BRCA1: variants seen among roughly 807,000 people sequenced by gnomAD.
BRCA1 encodes breast cancer type 1 susceptibility protein.
In BRCA1, 140 loss-of-function variants were observed where a neutral mutation model predicts 173.7. The ratio of observed to expected loss-of-function variants is 0.81; its 90% confidence interval spans 0.70 to 0.93. The LOEUF (loss-of-function observed/expected upper bound fraction) is 0.93. Ranked by LOEUF, BRCA1 falls within the 40% of genes least tolerant of loss-of-function variation. The probability of loss-of-function intolerance (pLI) is 0.00; values close to 1 mark genes in which losing one functional copy is unlikely to be tolerated. For missense variants in BRCA1, 1,983 were observed against 2,172.5 expected (o/e 0.91, Z 1.73); for synonymous variants, 662 against 756.0 (o/e 0.88, Z 2.04).
At chr17:43,157,656 A>C (rs1165423435) in intron 1 of BRCA1, among the ~76,000 whole-genome samples, 1 of 151,724 alleles carries the variant, frequency 6.6e-6, no homozygotes, top group African/African-American at 2.4e-5. Flanking sequence ...AGACGGCACC[A>C]CTGTACTCCA....
chr17:43,142,994 A>G (rs139198647), intron 1 of BRCA1, among the ~76,000 whole-genome samples: 2,215 of 149,490 alleles, frequency 0.015, 50 homozygotes, highest in African/African-American at 0.051. Flanking sequence ...ATATATATGT[A>G]TATATGTATA....
Position 43,093,563 on chromosome 17 carries a change from G to A in BRCA1, c.1968C>T (p.Asn656=), listed in dbSNP as rs1131692075. Residue 656 remains asparagine, a synonymous_variant, in exon 10 of 23, where the codon AAC becomes AAT. Transcript: ENST00000357654. ...TTCTGCTGTGCCTGACTGGCATTTG[G>A]TTGTACTTTTTTTTCTTTATCTCTT... ...SSEEIKKKKY[N]QMPVRHSRNL... 6.2e-7 allele frequency: 1 copy of A among 1,613,890 alleles called. No homozygotes were observed. The highest frequency in any genetic ancestry group is 8.5e-7 in the Non-Finnish European group (1 of 1,179,986).
At chr17:43,144,920 A>C (rs1322410481) in intron 1 of BRCA1, 5 of 572,268 alleles carry the variant, frequency 8.7e-6, no homozygotes, top group Non-Finnish European at 1.7e-5. Flanking sequence ...CACCGCGGCC[A>C]GCAGGCACCT....
At chr17:43,064,398 T>C (rs182008731) in intron 16 of BRCA1, among the ~76,000 whole-genome samples, 1 of 152,354 alleles carries the variant, frequency 6.6e-6, no homozygotes. Context: ...TGACAAATTT[T>C]CACCCCTAGA....
intron 1 of BRCA1, among the ~76,000 whole-genome samples, chr17:43,145,587 A>G (rs1365064501): frequency 6.6e-6 from 1 of 152,114 alleles, no homozygotes; most frequent in African/African-American, 2.4e-5. Flanking sequence ...CGGCCTCCCA[A>G]AGTGCTGGGA....
chr17:43,116,872 T>C (rs958371914), intron 2 of BRCA1, among the ~76,000 whole-genome samples: 2 of 152,238 alleles, frequency 1.3e-5, no homozygotes, highest in Admixed American at 1.3e-4. Flanking sequence ...TTGTCATTTA[T>C]TTTTAAAATT....
In BRCA1 at chr17:43,138,913, A is replaced by G. The variant is rs569833678; in HGVS notation, c.-19-14798T>C. The G allele has an allele frequency of 4.5e-5, 35 of 778,896 alleles. No individual in the cohort carries two copies. The Admixed American group carries it at 5.1e-4, about 11-fold the overall frequency. The allele number at this position is 778,896 out of a possible 1,614,324, so 48.2% of individuals were successfully genotyped here. On this transcript the variant is annotated intron_variant, in intron 1 of 7. Coordinates refer to the BRCA1 transcript ENST00000634433. ...TCCTGACTTCTTCCATCCTCTGGAAATCAGCTGTGGTAAAGTAGCCTGAAA... is the reference window on the plus strand; with the variant it reads ...TCCTGACTTCTTCCATCCTCTGGAAGTCAGCTGTGGTAAAGTAGCCTGAAA...
chr17:43,146,941 G>A (rs937715483), intron 1 of BRCA1, among the ~76,000 whole-genome samples: 1 of 151,618 alleles, frequency 6.6e-6, no homozygotes, highest in African/African-American at 2.4e-5. Context: ...GGGCCCCGTC[G>A]TTTACCCCGC....
chr17:43,055,742 C>A (rs559980804), intron 19 of BRCA1, among the ~76,000 whole-genome samples: 1 of 152,048 alleles, frequency 6.6e-6, no homozygotes, highest in Non-Finnish European at 1.5e-5. Flanking sequence ...GCTGAGATTG[C>A]GCCACTGCAC....
chr17:43,138,350 A>G (rs1319902216), intron 1 of BRCA1: 4 of 449,474 alleles, frequency 8.9e-6, no homozygotes, highest in African/African-American at 5.9e-5. Flanking sequence ...ACATTCCAGA[A>G]CAAACTCCAG....
intron 1 of BRCA1, chr17:43,145,387 T>C (rs1327316996): frequency 5.1e-6 from 2 of 394,256 alleles, no homozygotes; most frequent in Non-Finnish European, 9.6e-6. Context: ...AGTGCAGTGG[T>C]GCGATCTCGG....
At chr17:43,078,105 G>C (rs1198541425) in intron 12 of BRCA1, among the ~76,000 whole-genome samples, 1 of 148,276 alleles carries the variant, frequency 6.7e-6, no homozygotes, top group Admixed American at 6.7e-5. Context: ...TTTTTTTTGA[G>C]ACAGAGTCTT....
intron 14 of BRCA1, among the ~76,000 whole-genome samples, chr17:43,072,126 G>T (rs1597833084): frequency 6.6e-6 from 1 of 150,476 alleles, no homozygotes; most frequent in South Asian, 2.1e-4. Context: ...GGTGGCTCAG[G>T]CCTGTAATCC....
At chr17:43,111,544 G>A (rs574396059) in intron 3 of BRCA1, among the ~76,000 whole-genome samples, 13 of 148,546 alleles carry the variant, frequency 8.8e-5, no homozygotes, top group South Asian at 6.4e-4. Context: ...AAAAACAGCC[G>A]GGCGTGGTGG....
intron 1 of BRCA1, chr17:43,138,978 C>G: frequency 9.0e-6 from 7 of 778,438 alleles, no homozygotes; most frequent in Non-Finnish European, 1.4e-5. Flanking sequence ...TTCACCACCT[C>G]TAGCCCCTCC....
intron 11 of BRCA1, among the ~76,000 whole-genome samples, chr17:43,083,175 TTTC>T (rs1423165466): frequency 4.1e-4 from 63 of 151,916 alleles, no homozygotes; most frequent in African/African-American, 1.5e-3. Flanking sequence ...TCTTTCTTTC[TTTC>T]TTTTTTTTTT....
Position 43,077,815 on chromosome 17 carries a change from C to T in BRCA1, c.4358-1201G>A, listed in dbSNP as rs1014553379. Reference sequence around the variant, plus strand: ...ATGGCATGATCTTGGCTCACCACAACCTCTCTGCCTCCCAGGTTCAAGCTG... The same window carrying T: ...ATGGCATGATCTTGGCTCACCACAATCTCTCTGCCTCCCAGGTTCAAGCTG... On this transcript the variant is annotated intron_variant, in intron 12 of 22. Coordinates refer to ENST00000357654, the MANE Select transcript of BRCA1 (RefSeq NM_007294.4). Among the ~76,000 whole-genome samples, 4 of 152,058 alleles carry T rather than the reference C, an allele frequency of 2.6e-5. No homozygotes were observed. The South Asian group carries it at 6.2e-4, about 24-fold the overall frequency.
chr17:43,118,332 A>C (rs2055388967), intron 2 of BRCA1, among the ~76,000 whole-genome samples: 1 of 152,114 alleles, frequency 6.6e-6, no homozygotes, highest in African/African-American at 2.4e-5. Flanking sequence ...TTCTGGTAGG[A>C]ACCTATAGGC....
At chr17:43,103,836 GTGGCTCACACC>G (rs1193109596) in intron 6 of BRCA1, among the ~76,000 whole-genome samples, 1 of 152,072 alleles carries the variant, frequency 6.6e-6, no homozygotes. Flanking sequence ...GCCGGGCACA[GTGGCTCACACC>G]TGTAATCCCA....
Sources: allele counts gnomAD v4.1 joint callset (sites outside exome capture counted in the v4.1 genomes callset), GRCh38; gene constraint gnomAD v4.1.1; transcripts MANE v1.5; gene names NCBI Gene and HGNC (gene_info 2026-07-23, HGNC 2026-07-21).